RBL1: variants seen among roughly 807,000 people sequenced by gnomAD.
RBL1 encodes the protein retinoblastoma-like protein 1.
In RBL1, 82 loss-of-function variants were observed where a neutral mutation model predicts 123.0. That is an observed-to-expected ratio of 0.67 (90% CI 0.56 to 0.80). The LOEUF is 0.80. Ranked by LOEUF, RBL1 falls within the 30% of genes least tolerant of loss-of-function variation. The probability of loss-of-function intolerance (pLI) is 0.00; values close to 1 mark genes in which losing one functional copy is unlikely to be tolerated. For synonymous variants in RBL1, 405 were observed against 441.3 expected (o/e 0.92, Z 1.03); for missense variants, 1,171 against 1,299.6 (o/e 0.90, Z 1.52).
chr20:37,010,892 T>G (rs1470002234), intron 19 of RBL1, among the ~76,000 whole-genome samples: 1 of 152,160 alleles, frequency 6.6e-6, no homozygotes, highest in African/African-American at 2.4e-5. Context: ...CATAGTGCAC[T>G]CCAATCTCAA....
At chr20:37,019,339 A>G (rs1414011599) in intron 18 of RBL1, among the ~76,000 whole-genome samples, 1 of 152,172 alleles carries the variant, frequency 6.6e-6, no homozygotes, top group Non-Finnish European at 1.5e-5. Flanking sequence ...GATAGCTGGA[A>G]AGGCATGATC....
intron 21 of RBL1, among the ~76,000 whole-genome samples, chr20:37,002,336 G>GTTTTTTTTTTGTT (rs2063998988): frequency 1.3e-5 from 1 of 76,324 alleles, no homozygotes; most frequent in Non-Finnish European, 2.5e-5. Context: ...AGCCTTATCT[G>GTTTTTTTTTTGTT]TTTTTTTTTT....
chr20:37,062,418 C>T, intron 7 of RBL1, 148 bp from the exon 8 acceptor site: 1 of 1,362,978 alleles, frequency 7.3e-7, no homozygotes, highest in East Asian at 2.6e-5. Context: ...TCAGAGGGTC[C>T]TACCTGATTA....
At chr20:37,014,248 A>T (rs149786938) in intron 19 of RBL1, among the ~76,000 whole-genome samples, 1 of 151,920 alleles carries the variant, frequency 6.6e-6, no homozygotes, top group African/African-American at 2.4e-5. Flanking sequence ...TGGCTATTTT[A>T]AAAAATTTTT....
Position 36,998,691 on chromosome 20 carries a change from G to T in RBL1, c.*68C>A. 2 of 1,423,314 alleles carry T rather than the reference G, an allele frequency of 1.4e-6. No homozygotes were observed. The highest frequency in any genetic ancestry group is 1.9e-6 in the Non-Finnish European group (2 of 1,047,778). The allele number at this position is 1,423,314 out of a possible 1,614,324, so 88.2% of individuals were successfully genotyped here. A position where few individuals can be genotyped will look rare whatever the true frequency, so the allele number is the denominator to read the frequency against. ...TATCATCTATAGGGCTAAAAGGTTT[G>T]AAGGACAGAGCTCCAACTTTCTGCA... On this transcript the variant is annotated 3_prime_UTR_variant, in exon 22 of 22. Coordinates refer to ENST00000373664, the MANE Select transcript of RBL1 (RefSeq NM_002895.5).
chr20:37,055,903 C>A (rs555344221), intron 10 of RBL1, among the ~76,000 whole-genome samples: 1 of 151,742 alleles, frequency 6.6e-6, no homozygotes, highest in Non-Finnish European at 1.5e-5. Flanking sequence ...ACAAAATTAG[C>A]CGGTGTGGTG....
rs959375321 is a variant in RBL1 at position 36,997,105 on chromosome 20, C to A, written c.*1654G>T. Reference sequence around the variant, plus strand: ...GAAACATAAACATTTGATAAAACTTCTCAAAATTAATTATGAGTGGCTTAT... The same window carrying A: ...GAAACATAAACATTTGATAAAACTTATCAAAATTAATTATGAGTGGCTTAT... On this transcript the variant is annotated 3_prime_UTR_variant, in exon 22 of 22. Transcript: ENST00000373664. 6.6e-6 allele frequency: 1 copy of A among 152,252 alleles called. No individual in the cohort carries two copies. The highest frequency in any genetic ancestry group is 2.1e-4 in the South Asian group (1 of 4,830). The allele number at this position is 152,252 out of a possible 1,614,324, so 9.4% of individuals were successfully genotyped here.
chr20:37,069,956 C>T (rs1342410600), intron 2 of RBL1, among the ~76,000 whole-genome samples: 2 of 152,084 alleles, frequency 1.3e-5, no homozygotes, highest in Non-Finnish European at 2.9e-5. Flanking sequence ...GCCACCACCC[C>T]GTCTGGGAGG....
chr20:37,034,124 T>C (rs985114630), intron 15 of RBL1, among the ~76,000 whole-genome samples: 5 of 151,782 alleles, frequency 3.3e-5, no homozygotes, highest in African/African-American at 1.2e-4. Flanking sequence ...TTTGTAGAGA[T>C]AGGATATTGC....
chr20:37,049,243 G>T, intron 11 of RBL1: 1 of 483,946 alleles, frequency 2.1e-6, no homozygotes. Context: ...TTAAAGATCC[G>T]CCATCTGCAA....
At chr20:37,067,849 T>C (rs1480178028) in intron 3 of RBL1, 137 bp downstream of exon 3, 2 of 935,044 alleles carry the variant, frequency 2.1e-6, no homozygotes, top group Non-Finnish European at 1.5e-6. Flanking sequence ...ATATGGATAA[T>C]TGTACATGGA....
intron 16 of RBL1, among the ~76,000 whole-genome samples, chr20:37,029,236 G>A (rs1259885065): frequency 6.6e-6 from 1 of 152,080 alleles, no homozygotes; most frequent in Admixed American, 6.6e-5. Flanking sequence ...TAATCCCTTG[G>A]TATACACAGG....
intron 1 of RBL1, among the ~76,000 whole-genome samples, chr20:37,094,724 C>A (rs1351236229): frequency 2.0e-5 from 3 of 152,232 alleles, no homozygotes; most frequent in Non-Finnish European, 4.4e-5. Context: ...GCGGCCTATG[C>A]CTCCTGGGTT....
intron 14 of RBL1, among the ~76,000 whole-genome samples, chr20:37,037,602 A>G (rs1172548592): frequency 6.6e-6 from 1 of 152,146 alleles, no homozygotes; most frequent in Non-Finnish European, 1.5e-5. Flanking sequence ...AGATTCGTAA[A>G]GATCAAAAAA....
intron 2 of RBL1, among the ~76,000 whole-genome samples, chr20:37,075,033 A>G (rs539321051): frequency 1.3e-5 from 2 of 152,362 alleles, no homozygotes; most frequent in Non-Finnish European, 2.9e-5. Flanking sequence ...ATATTATTCA[A>G]CCATAAAAAG....
chr20:37,007,621 C>A (rs112337133), intron 19 of RBL1, 62 bp from the exon 20 acceptor site: 20 of 1,538,626 alleles, frequency 1.3e-5, no homozygotes, highest in African/African-American at 1.1e-4. Flanking sequence ...GAGACAGGGT[C>A]TCACTTTGTC....
Position 37,067,017 on chromosome 20 carries a change from C to T in RBL1, c.661G>A (p.Asp221Asn), listed in dbSNP as rs924195989. 1.9e-6 allele frequency: 3 copies of T among 1,608,962 alleles called. No homozygotes were observed. The highest frequency in any genetic ancestry group is 8.5e-7 in the Non-Finnish European group (1 of 1,176,550). Residue 221 changes from aspartate to asparagine, a missense_variant, in exon 5 of 22, where the codon GAC (aspartate) becomes AAC (asparagine). Physicochemically the swap from Asp to Asn is conservative, Grantham distance 23 (BLOSUM62 1). Coordinates refer to ENST00000373664, the MANE Select transcript of RBL1 (RefSeq NM_002895.5). ...ANAIMCPNRQDLLNPSFKGLP... is the reference protein window; with the variant it reads ...ANAIMCPNRQNLLNPSFKGLP... ...CCTTTAAATGATGGATTTAGCAAGT[C>T]TTGTCTATTTGGGCACATAATCGCA...
At chr20:37,067,419 G>T in intron 3 of RBL1, 122 bp from the exon 4 acceptor site, 1 of 792,310 alleles carries the variant, frequency 1.3e-6, no homozygotes, top group Non-Finnish European at 1.9e-6. Context: ...ATGAAGAAAA[G>T]TAATCTATTA....
intron 2 of RBL1, among the ~76,000 whole-genome samples, chr20:37,069,916 C>T (rs1392309433): frequency 6.6e-6 from 1 of 151,796 alleles, no homozygotes; most frequent in East Asian, 1.9e-4. Context: ...CCAGCTGCCC[C>T]TACTGGGAAG....
Sources: allele counts gnomAD v4.1 joint callset (sites outside exome capture counted in the v4.1 genomes callset), GRCh38; gene constraint gnomAD v4.1.1; transcripts MANE v1.5; gene names NCBI Gene and HGNC (gene_info 2026-07-23, HGNC 2026-07-21).